Variants in MAGED1 observed in about 807,000 individuals in gnomAD.
MAGED1 encodes the protein MAGE family member D1.
A neutral mutation model predicts 54.1 loss-of-function variants in MAGED1; 3 were observed. The observed-to-expected ratio is 0.06, with a 90% CI of 0.03 to 0.14. The LOEUF (loss-of-function observed/expected upper bound fraction) is 0.14, where lower values mean the gene tolerates loss of function less well. Ranked by LOEUF, MAGED1 falls within the 10% of genes least tolerant of loss-of-function variation. The pLI, the probability that MAGED1 is intolerant of heterozygous loss-of-function variation, is 1.00. For synonymous variants in MAGED1, 217 were observed against 227.3 expected, an observed-to-expected ratio of 0.95 and a Z score of 0.41; for missense variants, 485 against 623.4, an observed-to-expected ratio of 0.78 and a Z score of 2.36.
At chrX:51,828,508 A>G (rs898175936) in intron 1 of MAGED1, among the ~76,000 whole-genome samples, 1 of 110,549 alleles carries the variant, frequency 9.0e-6, no homozygotes, top group Non-Finnish European at 1.9e-5. Flanking sequence ...CTTGCAGGAC[A>G]TGTCAGCTTA....
intron 1 of MAGED1, among the ~76,000 whole-genome samples, chrX:51,830,714 A>T (rs1926032745): frequency 9.0e-6 from 1 of 111,428 alleles, no homozygotes; most frequent in African/African-American, 3.3e-5. Context: ...TGATTAAAGT[A>T]CCAGGACCCA....
intron 1 of MAGED1, among the ~76,000 whole-genome samples, chrX:51,832,734 A>T (rs191595808): frequency 9.1e-6 from 1 of 110,467 alleles, no homozygotes; most frequent in African/African-American, 3.3e-5. Flanking sequence ...CTGCAGCCCT[A>T]CTTCTGCATG....
intron 1 of MAGED1, among the ~76,000 whole-genome samples, chrX:51,836,664 G>A (rs1926264017): frequency 9.2e-6 from 1 of 108,537 alleles, no homozygotes; most frequent in African/African-American, 3.4e-5. Context: ...CTGCCTCCCG[G>A]GTTTTACGCC....
intron 11 of MAGED1, among the ~76,000 whole-genome samples, 186 bp downstream of exon 11, chrX:51,900,482 C>A (rs1928966077): frequency 9.0e-6 from 1 of 110,797 alleles, no homozygotes. Flanking sequence ...AATATATTAG[C>A]TAATACAATT....
rs183780757 is a variant in MAGED1, at chrX:51,822,973, A to G, written c.-37+19856A>G. On this transcript the variant is annotated intron_variant, in intron 1 of 12. Transcript: ENST00000375772. ...TTCTACTTTTGAATTACTTTACAAAATATCTTTCTGTTACTGATTTCTAAT... is the reference window on the plus strand; with the variant it reads ...TTCTACTTTTGAATTACTTTACAAAGTATCTTTCTGTTACTGATTTCTAAT... Among the ~76,000 whole-genome samples the G allele has an allele frequency of 3.6e-5, 4 of 112,105 alleles. No homozygotes were observed. In the East Asian group the frequency reaches 1.1e-3, roughly 31 times the overall value.
chrX:51,902,125 T>A, intron 12 of MAGED1, 21 bp from the exon 13 acceptor site: 1 of 379,557 alleles, frequency 2.6e-6, no homozygotes, highest in Non-Finnish European at 4.3e-6. Flanking sequence ...TTTTTTTACT[T>A]CTTCTTTCTT....
chrX:51,900,082 T>C lies in MAGED1; in HGVS notation c.1845-100T>C, dbSNP rs1928942472. The C allele has an allele frequency of 4.5e-5, 24 of 535,915 alleles. No homozygotes were observed. The East Asian group carries it at 9.1e-4, about 20-fold the overall frequency. 44.2% of individuals were successfully genotyped at this position (535,915 alleles called of 1,213,427 possible). A position where few individuals can be genotyped will look rare whatever the true frequency, so the allele number is the denominator to read the frequency against. On this transcript the variant is annotated intron_variant, in intron 10 of 12. Transcript: ENST00000326587. ...GTTCAGGAATGAGCCCAAGGGGGAG[T>C]TGCTATCTGAAATCTGTTAAAAAAT...
chrX:51,815,216 A>G (rs1557355947), intron 1 of MAGED1, among the ~76,000 whole-genome samples: 3 of 110,657 alleles, frequency 2.7e-5, no homozygotes, highest in African/African-American at 9.9e-5. Context: ...TTTAAAATGT[A>G]GTCTTTCTAC....
intron 1 of MAGED1, among the ~76,000 whole-genome samples, chrX:51,854,872 T>A (rs1450533344): frequency 1.8e-5 from 2 of 111,641 alleles, no homozygotes; most frequent in Non-Finnish European, 3.8e-5. Flanking sequence ...TTCAGTCTCC[T>A]GAAGATCTCT....
At chrX:51,812,743 C>A (rs781920261) in intron 1 of MAGED1, among the ~76,000 whole-genome samples, 1 of 110,882 alleles carries the variant, frequency 9.0e-6, no homozygotes, top group East Asian at 2.8e-4. Flanking sequence ...CGTTTTTGTG[C>A]AAACATATGT....
At chrX:51,843,381 G>A (rs1347706663) in intron 1 of MAGED1, among the ~76,000 whole-genome samples, 1 of 111,780 alleles carries the variant, frequency 8.9e-6, no homozygotes, top group African/African-American at 3.3e-5. Flanking sequence ...GTCCTTATAA[G>A]ATGGAGACAG....
chrX:51,897,037 G>A lies in MAGED1; in HGVS notation c.1382G>A (p.Gly461Asp), dbSNP rs144566171. 2.4e-4 allele frequency: 295 copies of A among 1,210,314 alleles called. No individual in the cohort carries two copies. Among genetic ancestry groups the A allele is most frequent in the Non-Finnish European group, 3.2e-4 (290 of 895,310 alleles). Residue 461 changes from glycine (G) to aspartate (D), a missense_variant, in exon 4 of 13, where the codon GGT (glycine) becomes GAT (aspartate). By Grantham distance (94) the Gly-to-Asp change is moderately conservative (BLOSUM62 -1). Transcript: ENST00000326587. ...AACTCGCGTGCCTCACAGAACCCAG[G>A]TGCTGCACAGCCCCGAGATGTGGCC... ...SPNSRASQNPGAAQPRDVALL... is the reference protein window; with the variant it reads ...SPNSRASQNPDAAQPRDVALL...
chrX:51,861,393 A>G (rs1233765224), intron 1 of MAGED1, among the ~76,000 whole-genome samples: 1 of 111,799 alleles, frequency 8.9e-6, no homozygotes, highest in Non-Finnish European at 1.9e-5. Context: ...TTTGAAATCT[A>G]CTTCTTTTGG....
At chrX:51,885,775 G>T (rs1928213198) in intron 1 of MAGED1, among the ~76,000 whole-genome samples, 1 of 110,896 alleles carries the variant, frequency 9.0e-6, no homozygotes, top group African/African-American at 3.3e-5. Context: ...TATGGTGAGA[G>T]ATAGGTCCAA....
chrX:51,853,485 T>C (rs1425691019), intron 1 of MAGED1, among the ~76,000 whole-genome samples: 3 of 112,070 alleles, frequency 2.7e-5, no homozygotes, highest in African/African-American at 6.5e-5. Context: ...TCCCAGCTCA[T>C]TGTTGGGAAT....
At chrX:51,846,085 T>C (rs1263623217) in intron 1 of MAGED1, among the ~76,000 whole-genome samples, 2 of 111,696 alleles carry the variant, frequency 1.8e-5, no homozygotes, top group South Asian at 3.8e-4. Context: ...CCGATGTGAA[T>C]CTTTGGGGGC....
chrX:51,838,151 C>A (rs1346600191), intron 1 of MAGED1, among the ~76,000 whole-genome samples: 1 of 112,397 alleles, frequency 8.9e-6, no homozygotes, highest in Non-Finnish European at 1.9e-5. Context: ...TTACTACTTT[C>A]CGCTGTCTCA....
At chrX:51,815,058 G>A (rs1434577402) in intron 1 of MAGED1, among the ~76,000 whole-genome samples, 2 of 107,868 alleles carry the variant, frequency 1.9e-5, no homozygotes, top group Non-Finnish European at 3.8e-5. Flanking sequence ...CATGAGAATC[G>A]CTTGAACCTG....
chrX:51,819,408 G>C (rs781803946), intron 1 of MAGED1, among the ~76,000 whole-genome samples: 8 of 109,601 alleles, frequency 7.3e-5, no homozygotes, highest in Admixed American at 2.9e-4. Flanking sequence ...TCTTCATTTA[G>C]GTAAGTATTA....
Sources: gnomAD v4.1 joint callset for allele counts (sites outside exome capture counted in the v4.1 genomes callset) on GRCh38, gnomAD v4.1.1 for gene constraint, MANE v1.5 for transcripts, NCBI Gene and HGNC (gene_info 2026-07-23, HGNC 2026-07-21) for gene names.